Variants in MED13L observed in about 807,000 individuals in gnomAD.
MED13L encodes the protein mediator of RNA polymerase II transcription subunit 13-like.
Under a neutral mutation model 220.9 loss-of-function variants are expected in MED13L, and 7 were observed. The observed-to-expected ratio is 0.03, with a 90% CI of 0.02 to 0.06. The LOEUF (loss-of-function observed/expected upper bound fraction) is 0.06. MED13L is among the 10% of genes least tolerant of loss of function. The pLI is 1.00. For missense variants in MED13L, 1,965 were observed against 2,760.5 expected, an observed-to-expected ratio of 0.71 and a Z score of 6.46; for synonymous variants, 1,011 against 1,015.2, an observed-to-expected ratio of 1.00 and a Z score of 0.08.
At chr12:116,171,990 A>T (rs2138186392) in intron 2 of MED13L, among the ~76,000 whole-genome samples, 1 of 152,300 alleles carries the variant, frequency 6.6e-6, no homozygotes, top group East Asian at 1.9e-4. Flanking sequence ...AAGATTTTAT[A>T]AATGACTTCT....
intron 4 of MED13L, among the ~76,000 whole-genome samples, chr12:116,079,267 G>GA (rs1871051060): frequency 6.6e-6 from 1 of 152,076 alleles, no homozygotes; most frequent in African/African-American, 2.4e-5. Flanking sequence ...CTGTCACCCA[G>GA]ACTGGCAGTG....
chr12:116,138,168 T>G (rs1220461569), intron 2 of MED13L, among the ~76,000 whole-genome samples: 2 of 152,200 alleles, frequency 1.3e-5, no homozygotes, highest in East Asian at 3.8e-4. Context: ...ACATAAATTT[T>G]TAAAACCCAT....
intron 2 of MED13L, among the ~76,000 whole-genome samples, chr12:116,180,623 G>A (rs1187873317): frequency 6.6e-6 from 1 of 151,628 alleles, no homozygotes; most frequent in African/African-American, 2.4e-5. Flanking sequence ...TGGCAGAGAT[G>A]AAGTATCCAT....
rs570620825 is a variant in MED13L at position 116,211,350 on chromosome 12, C to T, written c.310+26118G>A. Among the ~76,000 whole-genome samples the T allele has an allele frequency of 2.6e-5, 4 of 152,154 alleles. No individual in the cohort carries two copies. In the South Asian group the frequency reaches 6.2e-4, roughly 24 times the overall value. Reference sequence around the variant, plus strand: ...TTAAACAGCCACATGTGATAAGTGGCTACCATACTGAATACTGCAACTTGA... The same window carrying T: ...TTAAACAGCCACATGTGATAAGTGGTTACCATACTGAATACTGCAACTTGA... On this transcript the variant is annotated intron_variant, in intron 2 of 30. Transcript: ENST00000281928.
intron 3 of MED13L, among the ~76,000 whole-genome samples, chr12:116,100,297 T>C (rs902024194): frequency 6.6e-6 from 1 of 151,840 alleles, no homozygotes; most frequent in African/African-American, 2.4e-5. Context: ...GTCATGGATC[T>C]ATAGCTTTAA....
intron 1 of MED13L, among the ~76,000 whole-genome samples, chr12:116,259,415 G>A (rs550354028): frequency 2.0e-5 from 3 of 151,978 alleles, no homozygotes; most frequent in Non-Finnish European, 4.4e-5. Flanking sequence ...AAAAGAATAC[G>A]ATTCAATATT....
At position 116,009,227 on chromosome 12, in the gene MED13L, A is replaced by T. The variant is rs1592942955; in HGVS notation, c.1281-95T>A. ...TTTAAAGCATACATTAGATGTACTA[A>T]TACATATAAAAGGGCTCTAAGTTTT... On this transcript the variant is annotated intron_variant, in intron 9 of 30. Coordinates refer to ENST00000281928, the MANE Select transcript of MED13L (RefSeq NM_015335.5). 7 of 1,237,592 alleles carry T rather than the reference A, an allele frequency of 5.7e-6. No homozygotes were observed. In the East Asian group the frequency reaches 7.4e-5, roughly 13 times the overall value. The allele number at this position is 1,237,592 out of a possible 1,614,324, so 76.7% of individuals were successfully genotyped here. A position where few individuals can be genotyped will look rare whatever the true frequency, so the allele number is the denominator to read the frequency against.
rs1481260540 is a variant in MED13L at position 115,975,668 on chromosome 12, A to G, written c.5435T>C (p.Leu1812Pro). The stretch of plus-strand genomic sequence containing the variant: ...GCTCGCCTCACCAAACGTCTCTCCC[A>G]GCTCTGTCTGCTTGTCTTTGATTGG... ...LAPIKDKQTE[L>P]GETFGEASQK... Residue 1812 changes from leucine to proline, a missense_variant, in exon 24 of 31, where the codon CTG (leucine) becomes CCG (proline). Leu to Pro is a moderately conservative substitution (Grantham distance 98). Around this residue, in one of 10 missense-constraint regions of MED13L, gnomAD observed 510 missense variants for 620.4 expected, o/e 0.82. Transcript: ENST00000281928. 1.2e-6 allele frequency: 2 copies of G among 1,613,960 alleles called. No individual in the cohort carries two copies.
chr12:115,962,525 T>A (rs1875835548), intron 30 of MED13L: 1 of 152,224 alleles, frequency 6.6e-6, no homozygotes, highest in South Asian at 2.1e-4. Flanking sequence ...AAATTTATGT[T>A]GATCAGGTTC....
chr12:116,073,585 A>G lies in MED13L; in HGVS notation c.479+23084T>C, dbSNP rs116216720. Among the ~76,000 whole-genome samples, 460 of 152,340 alleles carry G rather than the reference A, an allele frequency of 3.0e-3. 3 individuals carry two copies. The highest frequency in any genetic ancestry group is 0.011 in the African/African-American group (438 of 41,590). Reference sequence around the variant, plus strand: ...TAAAAAAATACTGTCAGAGTTCTGGAAATGCTTAATTTGCTAAAGAAAAGG... The same window carrying G: ...TAAAAAAATACTGTCAGAGTTCTGGGAATGCTTAATTTGCTAAAGAAAAGG... On this transcript the variant is annotated intron_variant, in intron 4 of 30. Coordinates refer to ENST00000281928, the MANE Select transcript of MED13L (RefSeq NM_015335.5).
Position 116,277,337 on chromosome 12 carries a change from G to GGTCCTC in MED13L, c.-207_-206insGAGGAC, listed in dbSNP as rs1873959461. Reference sequence around the variant, plus strand: ...GGCAGCGGGCCCGGGCTGGCGGGGGGGGCGCGCGCCCCGGGCCGGCGCTGC... The same window carrying GGTCCTC: ...GGCAGCGGGCCCGGGCTGGCGGGGGGGTCCTCGGCGCGCGCCCCGGGCCGGCGCTGC... On this transcript the variant is annotated 5_prime_UTR_variant, in exon 1 of 31. Transcript: ENST00000281928. The GGTCCTC allele has an allele frequency of 6.8e-6, 1 of 146,728 alleles. No homozygotes were observed. Among genetic ancestry groups the GGTCCTC allele is most frequent in the Non-Finnish European group, 1.5e-5 (1 of 65,658 alleles). The allele number at this position is 146,728 out of a possible 1,614,324, so 9.1% of individuals were successfully genotyped here. A position where few individuals can be genotyped will look rare whatever the true frequency, so the allele number is the denominator to read the frequency against.
chr12:116,104,641 A>G (rs141826651), intron 3 of MED13L, among the ~76,000 whole-genome samples: 70 of 152,372 alleles, frequency 4.6e-4, no homozygotes, highest in African/African-American at 1.6e-3. Flanking sequence ...CCCACAGATT[A>G]AAGTCTCCCT....
intron 17 of MED13L, among the ~76,000 whole-genome samples, chr12:115,990,749 G>A (rs1049229549): frequency 6.6e-6 from 1 of 152,144 alleles, no homozygotes; most frequent in Non-Finnish European, 1.5e-5. Flanking sequence ...ATACTCAGCG[G>A]TCACAGGTTC....
intron 2 of MED13L, among the ~76,000 whole-genome samples, chr12:116,193,101 C>T (rs898491275): frequency 6.6e-6 from 1 of 152,098 alleles, no homozygotes; most frequent in African/African-American, 2.4e-5. Context: ...TGCACTCCAG[C>T]CTGGGCAACA....
At chr12:116,267,438 C>T (rs1030354545) in intron 1 of MED13L, among the ~76,000 whole-genome samples, 1 of 152,130 alleles carries the variant, frequency 6.6e-6, no homozygotes, top group African/African-American at 2.4e-5. Flanking sequence ...TTAACTGCCT[C>T]GGGCTACTCT....
At chr12:116,105,444 A>C (rs1370455423) in intron 3 of MED13L, among the ~76,000 whole-genome samples, 1 of 152,238 alleles carries the variant, frequency 6.6e-6, no homozygotes, top group African/African-American at 2.4e-5. Context: ...TCATTAAGAA[A>C]ATAGGAAGCA....
At chr12:116,138,188 T>G (rs1434083127) in intron 2 of MED13L, among the ~76,000 whole-genome samples, 3 of 152,224 alleles carry the variant, frequency 2.0e-5, no homozygotes, top group Non-Finnish European at 4.4e-5. Context: ...TTATTTCAAT[T>G]CTATATTTGT....
intron 2 of MED13L, among the ~76,000 whole-genome samples, chr12:116,219,225 A>G (rs1883174967): frequency 6.6e-6 from 1 of 152,224 alleles, no homozygotes; most frequent in Non-Finnish European, 1.5e-5. Flanking sequence ...AATTTTATGA[A>G]CATCTAATCA....
At chr12:116,022,892 A>G (rs1880144146) in intron 4 of MED13L, among the ~76,000 whole-genome samples, 1 of 152,216 alleles carries the variant, frequency 6.6e-6, no homozygotes, top group Admixed American at 6.5e-5. Context: ...ACCTAAGAAC[A>G]GAGAAGGAAT....
Sources: allele counts gnomAD v4.1 joint callset (sites outside exome capture counted in the v4.1 genomes callset), GRCh38; gene constraint gnomAD v4.1.1; regional missense constraint gnomAD v4.1.1; transcripts MANE v1.5; gene names NCBI Gene and HGNC (gene_info 2026-07-23, HGNC 2026-07-21).